Variants in RAB40B observed in about 807,000 individuals in gnomAD.
RAB40B encodes the protein RAB40B, member RAS oncogene family.
RAB40B carries 21 observed loss-of-function variants against 24.0 expected under a neutral mutation model. The ratio of observed to expected loss-of-function variants is 0.88; its 90% CI spans 0.62 to 1.26. The LOEUF is 1.26. Ranked by LOEUF, RAB40B falls within the 50% of genes most tolerant of loss-of-function variation. The pLI is 0.00. For missense variants in RAB40B, 348 were observed against 390.5 expected, an observed-to-expected ratio of 0.89 and a Z score of 0.92; for synonymous variants, 167 against 169.8, an observed-to-expected ratio of 0.98 and a Z score of 0.13.
chr17:82,664,880 G>C, intron 1 of RAB40B: 1 of 259,490 alleles, frequency 3.9e-6, no homozygotes, highest in Non-Finnish European at 7.5e-6. Flanking sequence ...GGCTGTGGCC[G>C]CTGGGTGTGC....
chr17:82,697,102 A>T lies in RAB40B; in HGVS notation c.142+1353T>A, dbSNP rs1051720450. 6.6e-6 allele frequency among the ~76,000 whole-genome samples: 1 copy of T among 151,994 alleles called. No individual in the cohort carries two copies. Among genetic ancestry groups the T allele is most frequent in the African/African-American group, 2.4e-5 (1 of 41,380 alleles). ...AGACTCCCCCGCATGCTGCAGTTTCAGGAGGCCTCTGGGTGCTGGTCGTGA... is the reference window on the plus strand; with the variant it reads ...AGACTCCCCCGCATGCTGCAGTTTCTGGAGGCCTCTGGGTGCTGGTCGTGA... On this transcript the variant is annotated intron_variant, in intron 1 of 5. Coordinates refer to ENST00000571995, the MANE Select transcript of RAB40B (RefSeq NM_006822.3). The surrounding 1 kb of genome is among the most constrained non-coding windows in gnomAD (Gnocchi z 4.9).
At chr17:82,694,506 T>C (rs2046588576) in intron 1 of RAB40B, among the ~76,000 whole-genome samples, 1 of 151,388 alleles carries the variant, frequency 6.6e-6, no homozygotes, top group African/African-American at 2.5e-5. Context: ...CACTCCAACC[T>C]GGGCAACAGA....
intron 1 of RAB40B, among the ~76,000 whole-genome samples, chr17:82,689,688 G>A (rs2046536075): frequency 6.6e-6 from 1 of 152,170 alleles, no homozygotes; most frequent in Admixed American, 6.5e-5. Flanking sequence ...GTAGAAAACT[G>A]GCCGGGCACG....
Position 82,698,685 on chromosome 17 carries a change from C to T in RAB40B, c.-89G>A, listed in dbSNP as rs2046639844. 1 of 1,043,220 alleles carries T rather than the reference C, an allele frequency of 9.6e-7. No individual in the cohort carries two copies. The highest frequency in any genetic ancestry group is 1.2e-6 in the Non-Finnish European group (1 of 841,914). The allele number at this position is 1,043,220 out of a possible 1,614,324, so 64.6% of individuals were successfully genotyped here. A position where few individuals can be genotyped will look rare whatever the true frequency, so the allele number is the denominator to read the frequency against. Reference sequence around the variant, plus strand: ...GGCCCCGAGAGGCGCCGCGCGGGCCCCGAGTCCTTGCTCGCCTCCGGCCCC... The same window carrying T: ...GGCCCCGAGAGGCGCCGCGCGGGCCTCGAGTCCTTGCTCGCCTCCGGCCCC... On this transcript the variant is annotated 5_prime_UTR_variant, in exon 1 of 6. Coordinates refer to ENST00000571995, the MANE Select transcript of RAB40B (RefSeq NM_006822.3).
At chr17:82,686,010 G>A (rs1003435248) in intron 1 of RAB40B, among the ~76,000 whole-genome samples, 3 of 151,808 alleles carry the variant, frequency 2.0e-5, no homozygotes, top group Admixed American at 6.6e-5. Context: ...CACCATGTTG[G>A]CCAGGCTGGT....
At chr17:82,684,188 T>G (rs561943679) in intron 1 of RAB40B, among the ~76,000 whole-genome samples, 22 of 144,258 alleles carry the variant, frequency 1.5e-4, no homozygotes, top group Non-Finnish European at 1.0e-4. Context: ...GCTTTTGCAC[T>G]CTAGCCTGGG....
chr17:82,664,406 C>T (rs2046227584), intron 2 of RAB40B, 90 bp downstream of exon 2: 1 of 1,333,690 alleles, frequency 7.5e-7, no homozygotes, highest in Non-Finnish European at 1.1e-6. Flanking sequence ...ATGGGTGCTC[C>T]CCGGGGCACT....
chr17:82,668,664 G>C (rs151333600), intron 1 of RAB40B, among the ~76,000 whole-genome samples: 3 of 152,254 alleles, frequency 2.0e-5, no homozygotes, highest in African/African-American at 7.2e-5. Context: ...TGGAGCGGGC[G>C]TGGGGAGTGA....
intron 1 of RAB40B, among the ~76,000 whole-genome samples, chr17:82,685,238 A>AGGAGGGAGGG (rs2046486589): frequency 2.3e-5 from 1 of 43,988 alleles, no homozygotes; most frequent in Non-Finnish European, 4.3e-5. Flanking sequence ...GGGAGGACGG[A>AGGAGGGAGGG]GGAGGGAGGG....
chr17:82,661,822 G>C (rs1411606807), intron 2 of RAB40B: 3 of 720,710 alleles, frequency 4.2e-6, no homozygotes, highest in South Asian at 6.3e-5. Context: ...GGCAGGCGGA[G>C]GTTGCAGTGA....
intron 3 of RAB40B, among the ~76,000 whole-genome samples, chr17:82,660,058 C>T (rs2046143389): frequency 6.6e-6 from 1 of 152,234 alleles, no homozygotes; most frequent in African/African-American, 2.4e-5. Context: ...AGTGCACGTA[C>T]CTGCACACAT....
chr17:82,660,740 C>CACGTACCTGCACACACGTGT (rs2046160963), intron 3 of RAB40B, among the ~76,000 whole-genome samples: 2 of 152,362 alleles, frequency 1.3e-5, no homozygotes, highest in African/African-American at 4.8e-5. Flanking sequence ...ATACACAGTG[C>CACGTACCTGCACACACGTGT]ACGTACCTGC....
At chr17:82,658,230 G>C in intron 5 of RAB40B, 96 bp from the exon 6 acceptor site, 1 of 1,506,972 alleles carries the variant, frequency 6.6e-7, no homozygotes, top group South Asian at 1.3e-5. Flanking sequence ...CCCTCCCAAG[G>C]CTCGGACGCC....
chr17:82,677,745 CTT>C (rs1462824862), intron 1 of RAB40B, among the ~76,000 whole-genome samples: 1 of 152,226 alleles, frequency 6.6e-6, no homozygotes, highest in Non-Finnish European at 1.5e-5. Context: ...GCGCAGGACA[CTT>C]GAAGTCTGCT....
At chr17:82,670,947 C>G (rs910249172) in intron 1 of RAB40B, among the ~76,000 whole-genome samples, 7 of 152,004 alleles carry the variant, frequency 4.6e-5, no homozygotes, top group Non-Finnish European at 7.4e-5. Context: ...GATGTTGGAC[C>G]CTGGCCCACC....
At chr17:82,669,919 G>A (rs1209726117) in intron 1 of RAB40B, among the ~76,000 whole-genome samples, 1 of 152,204 alleles carries the variant, frequency 6.6e-6, no homozygotes, top group Non-Finnish European at 1.5e-5. Context: ...CTCCATAATA[G>A]CAATCCTCAA....
rs943451038 is a variant in RAB40B, at chr17:82,697,679, T to C, written c.142+776A>G. The stretch of plus-strand genomic sequence containing the variant: ...CGCCTCTGCGCGTTCCCCCTTCTCC[T>C]GGGTTCCTGCCCCCGCCTTTCTTTC... On this transcript the variant is annotated intron_variant, in intron 1 of 5. Coordinates refer to ENST00000571995, the MANE Select transcript of RAB40B (RefSeq NM_006822.3). The surrounding 1 kb of genome is among the most constrained non-coding windows in gnomAD (Gnocchi z 4.9). Among the ~76,000 whole-genome samples, 1 of 152,202 alleles carries C rather than the reference T, an allele frequency of 6.6e-6. No homozygotes were observed. The highest frequency in any genetic ancestry group is 1.5e-5 in the Non-Finnish European group (1 of 68,028).
chr17:82,661,075 A>C, intron 2 of RAB40B, 28 bp from the exon 3 acceptor site: 2 of 1,612,924 alleles, frequency 1.2e-6, no homozygotes, highest in South Asian at 1.1e-5. Flanking sequence ...GACCATTAAG[A>C]AGAAACCAGT....
intron 1 of RAB40B, 62 bp downstream of exon 1, chr17:82,698,393 C>T: frequency 1.2e-6 from 1 of 822,188 alleles, no homozygotes; most frequent in Non-Finnish European, 1.6e-6. Context: ...ACCCCCTCCC[C>T]AGCCCCGCGC....
Sources: allele counts gnomAD v4.1 joint callset (sites outside exome capture counted in the v4.1 genomes callset), GRCh38; gene constraint gnomAD v4.1.1; non-coding constraint Gnocchi (gnomAD v3.1); transcripts MANE v1.5; gene names NCBI Gene and HGNC (gene_info 2026-07-23, HGNC 2026-07-21).